The following KDM1A variants were observed in gnomAD, a reference collection of about 807,000 sequenced individuals.
KDM1A encodes the protein lysine-specific histone demethylase 1A.
KDM1A carries 49 observed loss-of-function variants against 109.4 expected under a neutral mutation model. That is an observed-to-expected ratio of 0.45 (90% CI 0.36 to 0.57). KDM1A has a LOEUF of 0.57. Among genes scored for constraint, KDM1A ranks in the 20% least tolerant of loss-of-function variants. The pLI, the probability that KDM1A is intolerant of heterozygous loss-of-function variation, is 0.00. For synonymous variants in KDM1A, 380 were observed against 415.4 expected (o/e 0.91, Z 1.04); for missense variants, 668 against 1,116.6 (o/e 0.60, Z 5.73).
At chr1:23,021,213 A>G (rs1034223284) in intron 1 of KDM1A, among the ~76,000 whole-genome samples, 1 of 152,184 alleles carries the variant, frequency 6.6e-6, no homozygotes, top group East Asian at 1.9e-4. Context: ...TTTGGAGGCA[A>G]GACTTTCTGG....
chr1:23,021,853 AC>A (rs918714048), intron 1 of KDM1A, among the ~76,000 whole-genome samples: 4 of 151,938 alleles, frequency 2.6e-5, no homozygotes, highest in African/African-American at 9.7e-5. Flanking sequence ...AGTCCTCCCT[AC>A]CCCCAGTCCC....
chr1:23,067,584 T>C (rs1274856040), intron 10 of KDM1A, among the ~76,000 whole-genome samples: 2 of 152,256 alleles, frequency 1.3e-5, no homozygotes, highest in Non-Finnish European at 2.9e-5. Flanking sequence ...ATTTTTGTGT[T>C]ACCAGTTTTA....
chr1:23,037,468 A>G (rs898877042), intron 2 of KDM1A, among the ~76,000 whole-genome samples: 6 of 152,176 alleles, frequency 3.9e-5, no homozygotes, highest in Non-Finnish European at 7.3e-5. Flanking sequence ...GTACAGCGTG[A>G]TGTTTTGAAG....
In KDM1A at chr1:23,019,992, C is replaced by T. The variant is rs755202885; in HGVS notation, c.351+45C>T. The T allele has an allele frequency of 7.0e-6, 10 of 1,429,884 alleles. No individual in the cohort carries two copies. The African/African-American group carries it at 9.0e-5, about 13-fold the overall frequency. The allele number at this position is 1,429,884 out of a possible 1,614,324, so 88.6% of individuals were successfully genotyped here. ...TCAAACGACACCGCCTGGTGCCGAG[C>T]TTCCCCGAGGCTTCTCCGCCCTCCC... On this transcript the variant is annotated intron_variant, in intron 1 of 20. Transcript: ENST00000400181.
At chr1:23,062,581 A>G (rs529449749) in intron 9 of KDM1A, among the ~76,000 whole-genome samples, 13 of 152,228 alleles carry the variant, frequency 8.5e-5, no homozygotes, top group Non-Finnish European at 1.6e-4. Context: ...TTGCTGCTGT[A>G]GGAAAAGAAA....
intron 12 of KDM1A, among the ~76,000 whole-genome samples, chr1:23,070,909 C>T (rs1643299816): frequency 1.3e-5 from 2 of 151,840 alleles, no homozygotes; most frequent in Admixed American, 1.3e-4. Context: ...AAATTTATTT[C>T]AATACTGGGT....
Position 23,069,053 on chromosome 1 carries a change from T to C in KDM1A, c.1323-8T>C. ...TTGAGAGCAGATTATACATATTGTC[T>C]CTCTTAGGTTACAAGAGAAGCATGT... On this transcript the variant is annotated splice_region_variant and splice_polypyrimidine_tract_variant and intron_variant, in intron 11 of 20. Transcript: ENST00000400181. The C allele has an allele frequency of 6.3e-7, 1 of 1,589,746 alleles. No homozygotes were observed. The highest frequency in any genetic ancestry group is 8.6e-7 in the Non-Finnish European group (1 of 1,166,060).
At chr1:23,052,271 TA>T (rs1471743668) in intron 4 of KDM1A, among the ~76,000 whole-genome samples, 32 of 152,232 alleles carry the variant, frequency 2.1e-4, no homozygotes, top group Admixed American at 2.1e-3. Flanking sequence ...TATAATACTT[TA>T]AAACTGCAAC....
intron 3 of KDM1A, among the ~76,000 whole-genome samples, chr1:23,046,746 G>C (rs1486546775): frequency 6.6e-6 from 1 of 152,070 alleles, no homozygotes. Context: ...CATTAGAAAG[G>C]GCAGTTCTGC....
intron 2 of KDM1A, among the ~76,000 whole-genome samples, chr1:23,036,341 A>G (rs567424444): frequency 4.2e-4 from 64 of 152,158 alleles, no homozygotes; most frequent in African/African-American, 1.4e-3. Context: ...TGTCATTTTG[A>G]CATGCTAGTG....
At chr1:23,047,919 A>AAAC (rs1184407963) in intron 3 of KDM1A, among the ~76,000 whole-genome samples, 1 of 152,002 alleles carries the variant, frequency 6.6e-6, no homozygotes, top group Non-Finnish European at 1.5e-5. Flanking sequence ...AAAAAAAAAA[A>AAAC]AACATCTGTA....
At chr1:23,037,123 T>A (rs1008565487) in intron 2 of KDM1A, among the ~76,000 whole-genome samples, 45 of 127,492 alleles carry the variant, frequency 3.5e-4, no homozygotes, top group Admixed American at 1.1e-3. Context: ...CTAAAAAAAA[T>A]ATATATACAC....
At chr1:23,061,766 C>T (rs1232420267) in intron 9 of KDM1A, among the ~76,000 whole-genome samples, 1 of 151,948 alleles carries the variant, frequency 6.6e-6, no homozygotes, top group Non-Finnish European at 1.5e-5. Context: ...AAGTAATTCT[C>T]GTGCCTCAGC....
In KDM1A at chr1:23,082,369, G is replaced by A. The variant is rs776245123; in HGVS notation, c.2445+3G>A. Reference sequence around the variant, plus strand: ...CCTCGATTCCAGGTGCCCCACAGGTGAGAAGCTGGCAAACTATCTGGGCTT... The same window carrying A: ...CCTCGATTCCAGGTGCCCCACAGGTAAGAAGCTGGCAAACTATCTGGGCTT... On this transcript the variant is annotated splice_donor_region_variant and intron_variant, in intron 20 of 20. Transcript: ENST00000400181. 4 of 1,610,410 alleles carry A rather than the reference G, an allele frequency of 2.5e-6. No individual in the cohort carries two copies. Among genetic ancestry groups the A allele is most frequent in the Middle Eastern group, 1.7e-4 (1 of 5,950 alleles).
At chr1:23,063,670 G>A (rs1271071654) in intron 9 of KDM1A, among the ~76,000 whole-genome samples, 1 of 152,060 alleles carries the variant, frequency 6.6e-6, no homozygotes, top group South Asian at 2.1e-4. Context: ...CTTAATTATA[G>A]TTATAATACT....
At position 23,064,988 on chromosome 1, in the gene KDM1A, C is replaced by T. The variant is rs896763897; in HGVS notation, c.1168-1072C>T. Among the ~76,000 whole-genome samples, 182 of 152,270 alleles carry T rather than the reference C, an allele frequency of 1.2e-3. 2 individuals carry two copies. The highest frequency in any genetic ancestry group is 4.1e-3 in the African/African-American group (170 of 41,558). The stretch of plus-strand genomic sequence containing the variant: ...ATTGGTCCTTTCCCCAAAAATGTTT[C>T]TTAGTTTGCTGTTACAAGTTCTCAC... On this transcript the variant is annotated intron_variant, in intron 9 of 20. Coordinates refer to ENST00000400181, the MANE Select transcript of KDM1A (RefSeq NM_001009999.3).
intron 20 of KDM1A, 190 bp from the exon 21 acceptor site, chr1:23,082,989 G>A (rs1643666416): frequency 3.6e-6 from 2 of 559,388 alleles, no homozygotes; most frequent in Non-Finnish European, 6.4e-6. Flanking sequence ...GAGTTTTATT[G>A]TCTCATTTCT....
chr1:23,075,745 C>T (rs1643445124), intron 15 of KDM1A, among the ~76,000 whole-genome samples: 3 of 152,174 alleles, frequency 2.0e-5, no homozygotes, highest in Admixed American at 1.3e-4. Flanking sequence ...GTCAGGAGTT[C>T]GAGACCAGCC....
At chr1:23,049,016 G>A (rs1439925284) in intron 3 of KDM1A, among the ~76,000 whole-genome samples, 1 of 151,834 alleles carries the variant, frequency 6.6e-6, no homozygotes, top group Admixed American at 6.6e-5. Context: ...GCCAGGCATG[G>A]TGGTGCATGC....
Sources: gnomAD v4.1 joint callset for allele counts (sites outside exome capture counted in the v4.1 genomes callset) on GRCh38, gnomAD v4.1.1 for gene constraint, MANE v1.5 for transcripts, NCBI Gene and HGNC (gene_info 2026-07-23, HGNC 2026-07-21) for gene names.